The following NEU1 variants were observed in gnomAD, a reference collection of about 807,000 sequenced individuals.
NEU1 encodes the protein sialidase-1.
In NEU1, 32 loss-of-function variants were observed where a neutral mutation model predicts 38.3. That is an observed-to-expected ratio of 0.84 (90% CI 0.63 to 1.12). NEU1 has a LOEUF of 1.12. NEU1 is among the 50% of genes most tolerant of loss of function. The pLI is 0.00. For synonymous variants in NEU1, 192 were observed against 225.2 expected (o/e 0.85, Z 1.32); for missense variants, 431 against 549.2 (o/e 0.78, Z 2.15).
At position 31,862,178 on chromosome 6, in the gene NEU1, A is replaced by G. The variant is rs1032779116; in HGVS notation, c.173T>C (p.Val58Ala). 3 of 1,612,852 alleles carry G rather than the reference A, an allele frequency of 1.9e-6. No homozygotes were observed. The highest frequency in any genetic ancestry group is 3.3e-5 in the Admixed American group (2 of 60,008). Reference sequence around the variant, plus strand: ...CACCCACAGCAGTTGCTCCATGGTCACCAGCGGCTGCACCTGTCATGGGAG... The same window carrying G: ...CACCCACAGCAGTTGCTCCATGGTCGCCAGCGGCTGCACCTGTCATGGGAG... ...ENDFGLVQPL[V>A]TMEQLLWVSG... Residue 58 changes from valine (V) to alanine (A), a missense_variant, in exon 2 of 6, where the codon GTG becomes GCG. Val to Ala is a moderately conservative substitution (Grantham distance 64). Coordinates refer to ENST00000375631, the MANE Select transcript of NEU1 (RefSeq NM_000434.4). The surrounding 1 kb of genome is among the most constrained non-coding windows in gnomAD (Gnocchi z 6.3).
At position 31,861,589 on chromosome 6, in the gene NEU1, T is replaced by C. The variant is rs529103960; in HGVS notation, c.353-139A>G. ...AGGGTGCAATCCAACACTTGCACTA[T>C]CTATACCTCTTGTCCTGTTTTATTT... On this transcript the variant is annotated intron_variant, in intron 2 of 5. Transcript: ENST00000375631. 523 of 975,150 alleles carry C rather than the reference T, an allele frequency of 5.4e-4. 1 individual carries two copies. Among genetic ancestry groups the C allele is most frequent in the Admixed American group, 2.3e-3 (107 of 47,376 alleles). The allele number at this position is 975,150 out of a possible 1,614,324, so 60.4% of individuals were successfully genotyped here. A position where few individuals can be genotyped will look rare whatever the true frequency, so the allele number is the denominator to read the frequency against.
rs534846786 is a variant in NEU1, at chr6:31,860,081, C to T, written c.982G>A (p.Gly328Ser). 6.8e-6 allele frequency: 11 copies of T among 1,612,814 alleles called. No homozygotes were observed. Among genetic ancestry groups the T allele is most frequent in the African/African-American group, 1.3e-5 (1 of 74,874 alleles). ...VAAGAVVTSSGIVFFSNPAHP... is the reference protein window; with the variant it reads ...VAAGAVVTSSSIVFFSNPAHP... ...GCTGGGTTGGAGAAGAAGACAATGCCGGAGCTGGTGACTACAGCTCCTGCA... is the reference window on the plus strand; with the variant it reads ...GCTGGGTTGGAGAAGAAGACAATGCTGGAGCTGGTGACTACAGCTCCTGCA... Residue 328 changes from glycine (G) to serine (S), a missense_variant, in exon 5 of 6, where the codon GGC (glycine) becomes AGC (serine). Gly to Ser is a moderately conservative substitution (Grantham distance 56). Transcript: ENST00000375631. This position sits in a 1 kb window ranked among gnomAD's most constrained non-coding sequence, Gnocchi z 4.8.
At chr6:31,861,554 C>T (rs1000150045) in intron 2 of NEU1, 104 bp from the exon 3 acceptor site, 11 of 1,462,374 alleles carry the variant, frequency 7.5e-6, no homozygotes, top group Admixed American at 1.8e-5. Flanking sequence ...TCAGGCCTTC[C>T]GATGGTCCCA....
chr6:31,862,751 G>A lies in NEU1; in HGVS notation c.26C>T (p.Ala9Val), dbSNP rs772870374. MTGERPST[A>V]LPDRRWGPRI... ...CGGCCCCCAGCGTCTGTCCGGGAGCGCCGTGCTGGGTCGCTCCCCAGTCAT... is the reference window on the plus strand; with the variant it reads ...CGGCCCCCAGCGTCTGTCCGGGAGCACCGTGCTGGGTCGCTCCCCAGTCAT... Residue 9 changes from alanine (A) to valine (V), a missense_variant, in exon 1 of 6, where the codon GCG becomes GTG. Transcript: ENST00000375631. This position sits in a 1 kb window ranked among gnomAD's most constrained non-coding sequence, Gnocchi z 6.3. 1.9e-6 allele frequency: 3 copies of A among 1,612,950 alleles called. No individual in the cohort carries two copies. The highest frequency in any genetic ancestry group is 2.5e-6 in the Non-Finnish European group (3 of 1,180,018).
rs1457130689 is a variant in NEU1, at chr6:31,857,732, T to A, written c.*1987A>T. 1 of 152,140 alleles carries A rather than the reference T, an allele frequency of 6.6e-6. No homozygotes were observed. Among genetic ancestry groups the A allele is most frequent in the Non-Finnish European group, 1.5e-5 (1 of 68,032 alleles). 9.4% of individuals were successfully genotyped at this position (152,140 alleles called of 1,614,324 possible). On this transcript the variant is annotated 3_prime_UTR_variant, in exon 6 of 6. Transcript: ENST00000375631. ...AAGCATCTGCCTGGGGAATATTTTC[T>A]TACATAATTTGCCATAGGAAGTGCT...
intron 2 of NEU1, 129 bp downstream of exon 2, chr6:31,861,870 G>A: frequency 9.8e-7 from 1 of 1,021,374 alleles, no homozygotes; most frequent in Non-Finnish European, 1.5e-6. Flanking sequence ...CCCTTCTCGG[G>A]TTCCCTCTAC....
Position 31,859,447 on chromosome 6 carries a change from C to T in NEU1, c.*272G>A, listed in dbSNP as rs905176893. 1.7e-6 allele frequency: 1 copy of T among 588,262 alleles called. No individual in the cohort carries two copies. Among genetic ancestry groups the T allele is most frequent in the Non-Finnish European group, 3.1e-6 (1 of 327,232 alleles). 36.4% of individuals were successfully genotyped at this position (588,262 alleles called of 1,614,324 possible). A position where few individuals can be genotyped will look rare whatever the true frequency, so the allele number is the denominator to read the frequency against. On this transcript the variant is annotated 3_prime_UTR_variant, in exon 6 of 6. Transcript: ENST00000375631. ...TGCCCAAGACAGGACCAATCAATGT[C>T]CCGGGAGGGCAGAGAGGGTGGTGGG... is the stretch of plus-strand genomic sequence containing the variant.
chr6:31,862,117 G>A lies in NEU1; in HGVS notation c.234C>T (p.Arg78=). 3 of 1,613,106 alleles carry A rather than the reference G, an allele frequency of 1.9e-6. No homozygotes were observed. Among genetic ancestry groups the A allele is most frequent in the Non-Finnish European group, 2.5e-6 (3 of 1,180,034 alleles). ...GRQIGSVDTF[R]IPLITATPRG... ...GCGGAGTGGCTGTGATGAGCGGGAT[G>A]CGGAAGGTGTCCACTGAGCCGATCT... Residue 78 remains arginine, a synonymous_variant, in exon 2 of 6, where the codon CGC becomes CGT. Transcript: ENST00000375631. This position sits in a 1 kb window ranked among gnomAD's most constrained non-coding sequence, Gnocchi z 6.3.
Position 31,860,800 on chromosome 6 carries a change from T to A in NEU1, c.616-179A>T. 1 of 723,012 alleles carries A rather than the reference T, an allele frequency of 1.4e-6. No homozygotes were observed. Among genetic ancestry groups the A allele is most frequent in the Non-Finnish European group, 2.4e-6 (1 of 421,410 alleles). 44.8% of individuals were successfully genotyped at this position (723,012 alleles called of 1,614,324 possible). ...ACACCCTGTTTGAATTAAGAAGCTCTCCCAGGGTGTACAGCTGGACATGTG... is the reference window on the plus strand; with the variant it reads ...ACACCCTGTTTGAATTAAGAAGCTCACCCAGGGTGTACAGCTGGACATGTG... On this transcript the variant is annotated intron_variant, in intron 3 of 5. Coordinates refer to ENST00000375631, the MANE Select transcript of NEU1 (RefSeq NM_000434.4). This position sits in a 1 kb window ranked among gnomAD's most constrained non-coding sequence, Gnocchi z 4.8.
Position 31,862,184 on chromosome 6 carries a change from G to C in NEU1, c.167C>G (p.Pro56Arg). The C allele has an allele frequency of 1.9e-6, 3 of 1,612,788 alleles. No individual in the cohort carries two copies. Among genetic ancestry groups the C allele is most frequent in the Non-Finnish European group, 2.5e-6 (3 of 1,179,942 alleles). The change falls in exon 2 of 6, where the codon CCG becomes CGG. Residue 56 changes from proline (P) to arginine (R), a missense_variant. Pro to Arg is a moderately radical substitution (Grantham distance 103). Transcript: ENST00000375631. The surrounding 1 kb of genome is among the most constrained non-coding windows in gnomAD (Gnocchi z 6.3). ...CAGCAGTTGCTCCATGGTCACCAGC[G>C]GCTGCACCTGTCATGGGAGGAGGAA... is the stretch of plus-strand genomic sequence containing the variant. The part of the protein sequence containing the change: ...KAENDFGLVQ[P>R]LVTMEQLLWV...
rs1762406901 is a variant in NEU1 at position 31,859,246 on chromosome 6, T to C, written c.*473A>G. 3.8e-6 allele frequency: 1 copy of C among 263,508 alleles called. No homozygotes were observed. The highest frequency in any genetic ancestry group is 4.9e-5 in the South Asian group (1 of 20,254). 16.3% of individuals were successfully genotyped at this position (263,508 alleles called of 1,614,324 possible). A position where few individuals can be genotyped will look rare whatever the true frequency, so the allele number is the denominator to read the frequency against. On this transcript the variant is annotated 3_prime_UTR_variant, in exon 6 of 6. Coordinates refer to ENST00000375631, the MANE Select transcript of NEU1 (RefSeq NM_000434.4). ...ATTAAAAATTTTAAGTTACAAACAT[T>C]TTGATTGATAGTCAGTCATGGTGGT...
rs1218956377 is a variant in NEU1 at position 31,861,134 on chromosome 6, T to A, written c.615+54A>T. On this transcript the variant is annotated intron_variant, in intron 3 of 5. Transcript: ENST00000375631. ...TTGGAAAGGAGTCCATTTGGGGGTA[T>A]CCCTCAGACTCTCCACAAGGCAGCC... 5.0e-6 allele frequency: 8 copies of A among 1,609,012 alleles called. No homozygotes were observed. In the African/African-American group the frequency reaches 9.4e-5, roughly 19 times the overall value.
rs1762550635 is a variant in NEU1, at chr6:31,862,249, C to T, written c.160-58G>A. 2.5e-6 allele frequency: 4 copies of T among 1,584,504 alleles called. No homozygotes were observed. The highest frequency in any genetic ancestry group is 2.2e-4 in the Middle Eastern group (1 of 4,548). On this transcript the variant is annotated intron_variant, in intron 1 of 5. Coordinates refer to ENST00000375631, the MANE Select transcript of NEU1 (RefSeq NM_000434.4). This position sits in a 1 kb window ranked among gnomAD's most constrained non-coding sequence, Gnocchi z 6.3. ...AAACTTGTCTTGGGGGTTTTAGGAA[C>T]CCACGTTCCGATGGGAGAGGGAGGA...
Position 31,862,802 on chromosome 6 carries a change from G to C in NEU1, c.-26C>G. 6.2e-7 allele frequency: 1 copy of C among 1,612,238 alleles called. No individual in the cohort carries two copies. Among genetic ancestry groups the C allele is most frequent in the Non-Finnish European group, 8.5e-7 (1 of 1,179,766 alleles). On this transcript the variant is annotated 5_prime_UTR_variant, in exon 1 of 6. Coordinates refer to ENST00000375631, the MANE Select transcript of NEU1 (RefSeq NM_000434.4). The surrounding 1 kb of genome is among the most constrained non-coding windows in gnomAD (Gnocchi z 6.3). ...CTCTCCCCGCAGCTGCCGCGACCCT[G>C]GCAGCTAGACTCCACAGAGTCGGGA... is the stretch of plus-strand genomic sequence containing the variant.
chr6:31,860,761 G>C lies in NEU1; in HGVS notation c.616-140C>G. 1.1e-6 allele frequency: 1 copy of C among 912,714 alleles called. No homozygotes were observed. The highest frequency in any genetic ancestry group is 1.8e-6 in the Non-Finnish European group (1 of 571,200). 56.5% of individuals were successfully genotyped at this position (912,714 alleles called of 1,614,324 possible). The stretch of plus-strand genomic sequence containing the variant: ...CCTTGCTCACTGAGGGTTCCAGTCA[G>C]ATCCCATAAATACACACCCTGTTTG... On this transcript the variant is annotated intron_variant, in intron 3 of 5. Coordinates refer to ENST00000375631, the MANE Select transcript of NEU1 (RefSeq NM_000434.4). The surrounding 1 kb of genome is among the most constrained non-coding windows in gnomAD (Gnocchi z 4.8).
rs1762441876 is a variant in NEU1, at chr6:31,860,043, G to A, written c.1020C>T (p.Phe340=). 1 of 1,613,004 alleles carries A rather than the reference G, an allele frequency of 6.2e-7. No homozygotes were observed. Among genetic ancestry groups the A allele is most frequent in the Non-Finnish European group, 8.5e-7 (1 of 1,180,018 alleles). ...VFFSNPAHPE[F]RVNLTLRWSF... is the part of the protein sequence containing the mutation. The stretch of plus-strand genomic sequence containing the variant: ...TGACCCCACCCATGAGGCACTCACG[G>A]AACTCTGGATGTGCTGGGTTGGAGA... The change falls in exon 5 of 6, where the codon TTC becomes TTT. Residue 340 remains phenylalanine (F), a splice_region_variant and synonymous_variant. Transcript: ENST00000375631. This position sits in a 1 kb window ranked among gnomAD's most constrained non-coding sequence, Gnocchi z 4.8.
rs1562435347 is a variant in NEU1, at chr6:31,862,597, G to T, written c.159+21C>A. 20 of 1,613,056 alleles carry T rather than the reference G, an allele frequency of 1.2e-5. No individual in the cohort carries two copies. The highest frequency in any genetic ancestry group is 1.7e-5 in the Non-Finnish European group (20 of 1,180,024). Reference sequence around the variant, plus strand: ...ATCACCTGCGCGGGTCGGGGATGGGGCTATGCAAAGGGTGACTCACCAGAC... The same window carrying T: ...ATCACCTGCGCGGGTCGGGGATGGGTCTATGCAAAGGGTGACTCACCAGAC... On this transcript the variant is annotated intron_variant, in intron 1 of 5. Transcript: ENST00000375631. The surrounding 1 kb of genome is among the most constrained non-coding windows in gnomAD (Gnocchi z 6.3).
rs780368958 is a variant in NEU1 at position 31,860,484 on chromosome 6, G to A, written c.753C>T (p.Tyr251=). The change falls in exon 4 of 6, where the codon TAC becomes TAT. Residue 251 remains tyrosine, a synonymous_variant. Transcript: ENST00000375631. This position sits in a 1 kb window ranked among gnomAD's most constrained non-coding sequence, Gnocchi z 4.8. ...RYGSGVSGIP[Y]GQPKQENDFN... is the part of the protein sequence containing the mutation. ...AATCATTTTCCTGCTTGGGCTGACC[G>A]TAGGGGATGCCGCTGACCCCACTTC... The A allele has an allele frequency of 1.5e-5, 25 of 1,613,872 alleles. No individual in the cohort carries two copies. Among genetic ancestry groups the A allele is most frequent in the East Asian group, 1.3e-4 (6 of 44,868 alleles).
chr6:31,861,339 T>C lies in NEU1; in HGVS notation c.464A>G (p.Tyr155Cys). 6.2e-7 allele frequency: 1 copy of C among 1,612,598 alleles called. No individual in the cohort carries two copies. Among genetic ancestry groups the C allele is most frequent in the Non-Finnish European group, 8.5e-7 (1 of 1,179,966 alleles). ...GCCGGCCTTGTGAGCACAAAGGGAGTAGAAAAGAAATACTACTCCTGTCTC... is the reference window on the plus strand; with the variant it reads ...GCCGGCCTTGTGAGCACAAAGGGAGCAGAAAAGAAATACTACTCCTGTCTC... ...DVETGVVFLF[Y>C]SLCAHKAGCQ... The change falls in exon 3 of 6, where the codon TAC becomes TGC. Residue 155 changes from tyrosine to cysteine, a missense_variant. By Grantham distance (194) the Tyr-to-Cys change is radical. Coordinates refer to ENST00000375631, the MANE Select transcript of NEU1 (RefSeq NM_000434.4).
Sources: gnomAD v4.1 joint callset for allele counts on GRCh38, gnomAD v4.1.1 for gene constraint, Gnocchi (gnomAD v3.1) non-coding constraint, MANE v1.5 for transcripts, NCBI Gene and HGNC (gene_info 2026-07-23, HGNC 2026-07-21) for gene names.